The following DNAH11 variants were observed in gnomAD, a reference collection of about 807,000 sequenced individuals.
DNAH11 encodes axonemal beta dynein heavy chain 11.
DNAH11 carries 442 observed loss-of-function variants against 526.0 expected under a neutral mutation model. The ratio of observed to expected loss-of-function variants is 0.84; its 90% CI spans 0.78 to 0.91. The LOEUF (loss-of-function observed/expected upper bound fraction) is 0.91, where lower values mean the gene tolerates loss of function less well. DNAH11 is among the 40% of genes least tolerant of loss of function. DNAH11 has a pLI of 0.00. For synonymous variants in DNAH11, 2,461 were observed against 1,935.9 expected (o/e 1.27, Z -7.12); for missense variants, 6,989 against 5,448.7 (o/e 1.28, Z -8.90).
In DNAH11 at chr7:21,687,481, G is replaced by A. The variant is rs775519617; in HGVS notation, c.5878G>A (p.Val1960Ile). The change falls in exon 34 of 82, where the codon GTA becomes ATA. Residue 1960 changes from valine to isoleucine, a missense_variant. By Grantham distance (29) the Val-to-Ile change is conservative. Coordinates refer to ENST00000409508, the MANE Select transcript of DNAH11 (RefSeq NM_001277115.2). ...ISVEVLSVVA[V>I]QVKMIHDAIR... ...TGTGGAAGTTCTGTCAGTGGTGGCA[G>A]TACAAGTGAAAATGATTCATGATGC... 2 of 1,613,722 alleles carry A rather than the reference G, an allele frequency of 1.2e-6. No homozygotes were observed. The highest frequency in any genetic ancestry group is 8.5e-7 in the Non-Finnish European group (1 of 1,179,808).
intron 62 of DNAH11, among the ~76,000 whole-genome samples, chr7:21,807,341 A>G (rs1170966212): frequency 6.6e-6 from 1 of 152,220 alleles, no homozygotes; most frequent in Non-Finnish European, 1.5e-5. Flanking sequence ...TCTACAAAAA[A>G]TACAAAAATT....
intron 28 of DNAH11, among the ~76,000 whole-genome samples, chr7:21,647,941 A>T (rs971965735): frequency 2.6e-5 from 4 of 152,240 alleles, no homozygotes; most frequent in African/African-American, 9.6e-5. Flanking sequence ...ATGACACTAG[A>T]TGGAAATTTG....
chr7:21,816,879 C>T (rs1216084706), intron 64 of DNAH11, among the ~76,000 whole-genome samples, 177 bp downstream of exon 64: 1 of 152,132 alleles, frequency 6.6e-6, no homozygotes, highest in East Asian at 1.9e-4. Context: ...AAAAGGCATT[C>T]TTGTTGGATG....
intron 52 of DNAH11, among the ~76,000 whole-genome samples, chr7:21,749,210 A>C (rs986270329): frequency 1.3e-5 from 2 of 152,220 alleles, no homozygotes; most frequent in Admixed American, 6.5e-5. Flanking sequence ...TTTGCTTTTT[A>C]ATAACAATAG....
intron 61 of DNAH11, among the ~76,000 whole-genome samples, chr7:21,798,935 T>G (rs1788839439): frequency 1.3e-5 from 2 of 152,094 alleles, no homozygotes; most frequent in South Asian, 2.1e-4. Context: ...ATTTTTAAAT[T>G]TTTTTCAGTT....
chr7:21,720,576 G>A lies in DNAH11; in HGVS notation c.7135-149G>A, dbSNP rs557107210. Reference sequence around the variant, plus strand: ...TCTACTGTTAACTTAGACACCCAAGGTGGTAATTTTTGTCTCTCCCAATGT... The same window carrying A: ...TCTACTGTTAACTTAGACACCCAAGATGGTAATTTTTGTCTCTCCCAATGT... On this transcript the variant is annotated intron_variant, in intron 43 of 81. Transcript: ENST00000409508. 7 of 752,884 alleles carry A rather than the reference G, an allele frequency of 9.3e-6. No homozygotes were observed. In the Admixed American group the frequency reaches 2.1e-4, roughly 23 times the overall value. The allele number at this position is 752,884 out of a possible 1,614,324, so 46.6% of individuals were successfully genotyped here.
rs778103018 is a variant in DNAH11, at chr7:21,615,237, C to G, written c.3976C>G (p.Leu1326Val). The G allele has an allele frequency of 1.2e-6, 2 of 1,613,338 alleles. No homozygotes were observed. Among genetic ancestry groups the G allele is most frequent in the African/African-American group, 1.3e-5 (1 of 75,010 alleles). Residue 1326 changes from leucine to valine, a missense_variant, in exon 21 of 82, where the codon CTC (leucine) becomes GTC (valine). Coordinates refer to ENST00000409508, the MANE Select transcript of DNAH11 (RefSeq NM_001277115.2). ...MKQCRKEIKL[L>V]KGLWDVIIYV... ...ACAGTGTCGCAAAGAAATAAAATTGCTCAAGGGACTGTGGGATGTCATTAT... is the reference window on the plus strand; with the variant it reads ...ACAGTGTCGCAAAGAAATAAAATTGGTCAAGGGACTGTGGGATGTCATTAT...
chr7:21,730,272 C>T (rs144978802), intron 45 of DNAH11, among the ~76,000 whole-genome samples: 2 of 152,314 alleles, frequency 1.3e-5, no homozygotes, highest in East Asian at 3.9e-4. Flanking sequence ...GAGGTTCATA[C>T]ACACAATGGC....
intron 54 of DNAH11, among the ~76,000 whole-genome samples, chr7:21,764,541 G>A (rs1037456674): frequency 3.9e-5 from 6 of 152,076 alleles, no homozygotes; most frequent in African/African-American, 1.2e-4. Context: ...CGTACGCAGG[G>A]ACTTGAGAAT....
In DNAH11 at chr7:21,698,837, T is replaced by A. The variant is rs534380689; in HGVS notation, c.6180+624T>A. Among the ~76,000 whole-genome samples, 224 of 152,332 alleles carry A rather than the reference T, an allele frequency of 1.5e-3. 1 individual carries two copies. Among genetic ancestry groups the A allele is most frequent in the African/African-American group, 5.2e-3 (215 of 41,586 alleles). On this transcript the variant is annotated intron_variant, in intron 36 of 81. Transcript: ENST00000409508. ...TTTCCTCTGGGCAGATACCCAGTAG[T>A]GGGATTGCTAGATCAAATGGAGATT...
chr7:21,685,514 T>A (rs1783335683), intron 32 of DNAH11, among the ~76,000 whole-genome samples: 1 of 152,186 alleles, frequency 6.6e-6, no homozygotes, highest in Non-Finnish European at 1.5e-5. Context: ...TTACTAATTG[T>A]TTACATTAAC....
At position 21,867,861 on chromosome 7, in the gene DNAH11, A is replaced by G. The variant is rs547168550; in HGVS notation, c.11693A>G (p.Asn3898Ser). Residue 3898 changes from asparagine to serine, a missense_variant and splice_region_variant, in exon 72 of 82, where the codon AAT becomes AGT. Asn to Ser is a conservative substitution (Grantham distance 46, BLOSUM62 1). Transcript: ENST00000409508. ...TTTTATATTCTTGTTTTTTATAGAAATTTTGTAGAGGAAAAACTGGGTGCG... is the reference window on the plus strand; with the variant it reads ...TTTTATATTCTTGTTTTTTATAGAAGTTTTGTAGAGGAAAAACTGGGTGCG... ...RPDRMTYALR[N>S]FVEEKLGAKY... The G allele has an allele frequency of 4.5e-6, 7 of 1,567,356 alleles. No homozygotes were observed. The highest frequency in any genetic ancestry group is 1.4e-5 in the African/African-American group (1 of 73,928).
chr7:21,607,486 G>A (rs983331949), intron 20 of DNAH11, among the ~76,000 whole-genome samples: 21 of 152,114 alleles, frequency 1.4e-4, no homozygotes, highest in Non-Finnish European at 2.1e-4. Flanking sequence ...AATCATCATA[G>A]TAATCATACG....
intron 74 of DNAH11, 30 bp downstream of exon 74, chr7:21,873,531 A>G (rs760225288): frequency 2.9e-5 from 46 of 1,604,708 alleles, no homozygotes; most frequent in Non-Finnish European, 3.4e-5. Flanking sequence ...TAGGCAGACA[A>G]TGAAGTCAGA....
chr7:21,675,732 T>C (rs1430166374), intron 30 of DNAH11, among the ~76,000 whole-genome samples: 2 of 152,196 alleles, frequency 1.3e-5, no homozygotes, highest in African/African-American at 4.8e-5. Context: ...CTGGCCGCTA[T>C]GCTAAGCATG....
Position 21,765,607 on chromosome 7 carries a change from G to T in DNAH11, c.9102+18G>T. 1.6e-6 allele frequency: 2 copies of T among 1,242,478 alleles called. No homozygotes were observed. The highest frequency in any genetic ancestry group is 1.6e-5 in the African/African-American group (1 of 62,106). The allele number at this position is 1,242,478 out of a possible 1,614,324, so 77.0% of individuals were successfully genotyped here. On this transcript the variant is annotated intron_variant, in intron 55 of 81. Coordinates refer to ENST00000409508, the MANE Select transcript of DNAH11 (RefSeq NM_001277115.2). The stretch of plus-strand genomic sequence containing the variant: ...GAATTGAGGTATGCCGTGTCAGCCT[G>T]CGTCACACACACACACACACACACA...
At chr7:21,553,686 GC>G (rs899139044) in intron 2 of DNAH11, among the ~76,000 whole-genome samples, 2 of 152,258 alleles carry the variant, frequency 1.3e-5, no homozygotes, top group African/African-American at 4.8e-5. Context: ...AGTCTTAGGA[GC>G]TTTTCCATGT....
chr7:21,804,036 G>A (rs555264134), intron 62 of DNAH11, among the ~76,000 whole-genome samples: 12 of 152,350 alleles, frequency 7.9e-5, no homozygotes, highest in Admixed American at 2.6e-4. Flanking sequence ...GAGGGGGTAC[G>A]TGTTTCGGGA....
intron 30 of DNAH11, among the ~76,000 whole-genome samples, chr7:21,677,042 A>G (rs781616722): frequency 2.0e-5 from 3 of 152,240 alleles, no homozygotes; most frequent in Non-Finnish European, 4.4e-5. Context: ...TTTGTGGAAC[A>G]TAAAATCTAG....
Sources: allele counts gnomAD v4.1 joint callset (sites outside exome capture counted in the v4.1 genomes callset), GRCh38; gene constraint gnomAD v4.1.1; transcripts MANE v1.5; gene names NCBI Gene and HGNC (gene_info 2026-07-23, HGNC 2026-07-21).